The following ZNF23 variants were observed in gnomAD, a reference collection of about 807,000 sequenced individuals.
ZNF23 encodes the protein zinc finger protein 23, also known as kruppel-like zinc finger factor X31.
Under a neutral mutation model 56.2 loss-of-function variants are expected in ZNF23, and 48 were observed. That is an observed-to-expected ratio of 0.85 (90% CI 0.68 to 1.09). The LOEUF is 1.09. ZNF23 is among the 50% of genes least tolerant of loss of function. The probability of loss-of-function intolerance (pLI) is 0.00; values close to 1 mark genes in which losing one functional copy is unlikely to be tolerated. For missense variants in ZNF23, 805 were observed against 811.4 expected, an observed-to-expected ratio of 0.99 and a Z score of 0.10; for synonymous variants, 266 against 283.3, an observed-to-expected ratio of 0.94 and a Z score of 0.61.
rs1596991724 is a variant in ZNF23, at chr16:71,447,897, C to T, written c.*196G>A. On this transcript the variant is annotated 3_prime_UTR_variant, in exon 5 of 5. Coordinates refer to ENST00000647773, the MANE Select transcript of ZNF23 (RefSeq NM_001381984.1). ...TTATATTTTCTAATTCCTGTTGGTA[C>T]AAAACAAAGCTATTTTTGGATGTTT... is the stretch of plus-strand genomic sequence containing the variant. The T allele has an allele frequency of 4.5e-6, 2 of 441,100 alleles. No homozygotes were observed. The highest frequency in any genetic ancestry group is 7.9e-6 in the Non-Finnish European group (2 of 254,188). The allele number at this position is 441,100 out of a possible 1,614,324, so 27.3% of individuals were successfully genotyped here.
chr16:71,461,311 A>T (rs2043446303), intron 1 of ZNF23, among the ~76,000 whole-genome samples: 2 of 152,196 alleles, frequency 1.3e-5, no homozygotes, highest in South Asian at 2.1e-4. Flanking sequence ...ATAAATATAT[A>T]AACCAGCAAG....
intron 3 of ZNF23, 114 bp downstream of exon 3, chr16:71,453,927 TG>T: frequency 7.9e-7 from 1 of 1,263,290 alleles, no homozygotes; most frequent in East Asian, 2.3e-5. Flanking sequence ...GGAACAGCTC[TG>T]GGGTTCTCAC....
intron 4 of ZNF23, among the ~76,000 whole-genome samples, 167 bp downstream of exon 4, chr16:71,453,076 G>C (rs977325654): frequency 6.6e-6 from 1 of 152,206 alleles, no homozygotes; most frequent in Non-Finnish European, 1.5e-5. Flanking sequence ...AACAAACTTT[G>C]AAGACAGAAA....
chr16:71,459,754 CTGTTTA>C (rs1180402446), intron 1 of ZNF23, among the ~76,000 whole-genome samples: 2 of 152,198 alleles, frequency 1.3e-5, no homozygotes, highest in African/African-American at 2.4e-5. Context: ...CTAATTTCTT[CTGTTTA>C]TAAGTTCTGG....
intron 3 of ZNF23, chr16:71,453,657 G>A (rs2043129621): frequency 4.3e-6 from 2 of 470,168 alleles, no homozygotes; most frequent in Non-Finnish European, 3.8e-6. Context: ...GGGAGATTCT[G>A]CCCAAAGGGA....
At chr16:71,459,881 AAAGAG>A (rs1468333995) in intron 1 of ZNF23, among the ~76,000 whole-genome samples, 1 of 152,182 alleles carries the variant, frequency 6.6e-6, no homozygotes, top group Non-Finnish European at 1.5e-5. Flanking sequence ...TCTGGTGTTT[AAAGAG>A]AAAACTTATT....
Position 71,454,061 on chromosome 16 carries a change from A to G in ZNF23, c.141T>C (p.Tyr47=). The change falls in exon 3 of 5, where the codon TAT becomes TAC. Residue 47 remains tyrosine (Y), a synonymous_variant. Coordinates refer to ENST00000647773, the MANE Select transcript of ZNF23 (RefSeq NM_001381984.1). ...TLYRDVMLEN[Y]GNVASLGFPL... ...TCTTACCCAGGGAGGCCACATTCCC[A>G]TAATTCTCCAGCATCACATCCCTGT... is the stretch of plus-strand genomic sequence containing the variant. 6.2e-7 allele frequency: 1 copy of G among 1,614,158 alleles called. No individual in the cohort carries two copies. The highest frequency in any genetic ancestry group is 8.5e-7 in the Non-Finnish European group (1 of 1,180,006).
At chr16:71,461,848 T>A (rs1382393684) in intron 1 of ZNF23, 1 of 152,272 alleles carries the variant, frequency 6.6e-6, no homozygotes, top group Non-Finnish European at 1.5e-5. Flanking sequence ...CCTCAGCATG[T>A]CAAAAGACTT....
At chr16:71,454,622 C>T (rs1171083488) in intron 2 of ZNF23, among the ~76,000 whole-genome samples, 1 of 152,128 alleles carries the variant, frequency 6.6e-6, no homozygotes, top group Admixed American at 6.5e-5. Flanking sequence ...GCTTCTGTCT[C>T]ATCCAGCCCC....
chr16:71,448,078 A>G lies in ZNF23; in HGVS notation c.*15T>C, dbSNP rs117041977. The G allele has an allele frequency of 0.015, 23,390 of 1,558,518 alleles. 250 individuals are homozygous for G. Among genetic ancestry groups the G allele is most frequent in the South Asian group, 0.021 (1,679 of 80,710 alleles). ...TTGGCATTAACCTTAAGAGTTTTCT[A>G]TATCTTTCTCATTATTAGGATTTTC... On this transcript the variant is annotated 3_prime_UTR_variant, in exon 5 of 5. Coordinates refer to ENST00000647773, the MANE Select transcript of ZNF23 (RefSeq NM_001381984.1).
intron 4 of ZNF23, chr16:71,452,554 G>C (rs1441691263): frequency 6.6e-6 from 1 of 152,152 alleles, no homozygotes; most frequent in African/African-American, 2.4e-5. Context: ...TAAGACCTCA[G>C]GATTCCTTTA....
chr16:71,450,052 CT>C, intron 4 of ZNF23, 167 bp from the exon 5 acceptor site: 1 of 518,706 alleles, frequency 1.9e-6, no homozygotes, highest in Non-Finnish European at 3.3e-6. Flanking sequence ...TTGTAACTAA[CT>C]AGTAAAAGAA....
At chr16:71,461,597 G>C (rs761610362) in intron 1 of ZNF23, 3 of 152,150 alleles carry the variant, frequency 2.0e-5, no homozygotes, top group Non-Finnish European at 4.4e-5. Flanking sequence ...TCGTAATTAC[G>C]TTGTAGAAGT....
chr16:71,448,120 C>G lies in ZNF23; in HGVS notation c.2034G>C (p.Gln678His). Residue 678 changes from glutamine (Q) to histidine (H), a missense_variant, in exon 5 of 5, where the codon CAG (glutamine) becomes CAC (histidine). Gln to His is a conservative substitution (Grantham distance 24). Coordinates refer to ENST00000647773, the MANE Select transcript of ZNF23 (RefSeq NM_001381984.1). The part of the protein sequence containing the change: ...FRFSFQLSQH[Q>H]SVHSEGKS ...AGGATTTTCCTTCACTATGGACACT[C>G]TGATGCTGACTGAGCTGGAAGCTAA... The G allele has an allele frequency of 6.2e-7, 1 of 1,611,458 alleles. No homozygotes were observed. Among genetic ancestry groups the G allele is most frequent in the East Asian group, 2.2e-5 (1 of 44,872 alleles).
At position 71,448,318 on chromosome 16, in the gene ZNF23, G is replaced by A. The variant is rs766273871; in HGVS notation, c.1836C>T (p.Phe612=). 4.3e-6 allele frequency: 7 copies of A among 1,614,094 alleles called. No individual in the cohort carries two copies. Among genetic ancestry groups the A allele is most frequent in the Non-Finnish European group, 5.9e-6 (7 of 1,180,014 alleles). Residue 612 remains phenylalanine, a synonymous_variant, in exon 5 of 5, where the codon TTC becomes TTT. Transcript: ENST00000647773. The stretch of plus-strand genomic sequence containing the variant: ...GCCGAATTAAATGGGCATTAACATG[G>A]AAGGCTTTTCCACACTCCTTACACT... ...PFQCKECGKA[F]HVNAHLIRHQ...
intron 4 of ZNF23, chr16:71,452,220 C>A (rs2043080906): frequency 6.6e-6 from 1 of 152,136 alleles, no homozygotes; most frequent in East Asian, 1.9e-4. Flanking sequence ...TTGTCAAGGC[C>A]ATTATACGGC....
Position 71,448,583 on chromosome 16 carries a change from C to T in ZNF23, c.1571G>A (p.Cys524Tyr). 1.9e-6 allele frequency: 3 copies of T among 1,614,102 alleles called. No individual in the cohort carries two copies. Among genetic ancestry groups the T allele is most frequent in the Non-Finnish European group, 2.5e-6 (3 of 1,180,022 alleles). The change falls in exon 5 of 5, where the codon TGT (cysteine) becomes TAT (tyrosine). Residue 524 changes from cysteine (C) to tyrosine (Y), a missense_variant. Physicochemically the swap from Cys to Tyr is radical, Grantham distance 194. Coordinates refer to ENST00000647773, the MANE Select transcript of ZNF23 (RefSeq NM_001381984.1). ...TCTTTTAGAAGTAAAGCATCTCCCA[C>T]ACTCATTACATTCAAAAGGTTTCTC... ...TGEKPFECNE[C>Y]GRCFTSKRNL...
rs1448626287 is a variant in ZNF23, at chr16:71,448,001, A to T, written c.*92T>A. On this transcript the variant is annotated 3_prime_UTR_variant, in exon 5 of 5. Coordinates refer to ENST00000647773, the MANE Select transcript of ZNF23 (RefSeq NM_001381984.1). ...TCCATATGAAGACTCTGCCATATTCATGCCCTCTTGGAGGTTTTTCAATGG... is the reference window on the plus strand; with the variant it reads ...TCCATATGAAGACTCTGCCATATTCTTGCCCTCTTGGAGGTTTTTCAATGG... 9 of 1,018,920 alleles carry T rather than the reference A, an allele frequency of 8.8e-6. No homozygotes were observed. Among genetic ancestry groups the T allele is most frequent in the Non-Finnish European group, 1.3e-5 (9 of 707,936 alleles). 63.1% of individuals were successfully genotyped at this position (1,018,920 alleles called of 1,614,324 possible).
intron 1 of ZNF23, among the ~76,000 whole-genome samples, chr16:71,457,604 G>C (rs1173126863): frequency 1.3e-5 from 2 of 151,442 alleles, no homozygotes; most frequent in Non-Finnish European, 3.0e-5. Context: ...ACATGCCTGT[G>C]GTCCCAGCTA....
Sources: gnomAD v4.1 joint callset for allele counts (sites outside exome capture counted in the v4.1 genomes callset) on GRCh38, gnomAD v4.1.1 for gene constraint, MANE v1.5 for transcripts, NCBI Gene and HGNC (gene_info 2026-07-23, HGNC 2026-07-21) for gene names.